Variants in INPP4B observed in about 807,000 individuals in gnomAD.
INPP4B encodes the protein inositol polyphosphate 4-phosphatase type II.
A neutral mutation model predicts 122.5 loss-of-function variants in INPP4B; 55 were observed. The observed-to-expected ratio is 0.45, with a 90% CI of 0.36 to 0.56. The LOEUF (loss-of-function observed/expected upper bound fraction) is 0.56, where lower values mean the gene tolerates loss of function less well. Among genes scored for constraint, INPP4B ranks in the 20% least tolerant of loss-of-function variants. INPP4B has a pLI of 0.00. For missense variants in INPP4B, 1,000 were observed against 1,097.7 expected, an observed-to-expected ratio of 0.91 and a Z score of 1.26; for synonymous variants, 403 against 388.7, an observed-to-expected ratio of 1.04 and a Z score of -0.43.
At chr4:142,343,315 T>C (rs528249648) in intron 7 of INPP4B, among the ~76,000 whole-genome samples, 2 of 152,062 alleles carry the variant, frequency 1.3e-5, no homozygotes, top group Non-Finnish European at 2.9e-5. Context: ...TCTCAAGGAC[T>C]GAGTAGACTA....
intron 2 of INPP4B, among the ~76,000 whole-genome samples, chr4:142,584,877 A>G (rs1580430172): frequency 6.6e-6 from 1 of 151,948 alleles, no homozygotes; most frequent in African/African-American, 2.4e-5. Context: ...AGACTTAGCT[A>G]CTCTCCCACG....
At position 142,188,387 on chromosome 4, in the gene INPP4B, T is replaced by C. The variant is rs546674232; in HGVS notation, c.1181+4700A>G. Among the ~76,000 whole-genome samples, 11 of 145,826 alleles carry C rather than the reference T, an allele frequency of 7.5e-5. No homozygotes were observed. The South Asian group carries it at 2.0e-3, about 26-fold the overall frequency. On this transcript the variant is annotated intron_variant, in intron 15 of 25. Coordinates refer to ENST00000262992, the MANE Select transcript of INPP4B (RefSeq NM_001101669.3). ...CTGTAGTCCCAGCTACTCGGGAGGC[T>C]GAGGCAAGAGAATGGTGTGGACCTG...
At chr4:142,566,485 C>G (rs945390623) in intron 2 of INPP4B, among the ~76,000 whole-genome samples, 1 of 152,124 alleles carries the variant, frequency 6.6e-6, no homozygotes, top group East Asian at 1.9e-4. Context: ...GGAATGTGAT[C>G]CTGTACTTTC....
intron 18 of INPP4B, among the ~76,000 whole-genome samples, chr4:142,129,345 A>G (rs1163268908): frequency 2.6e-5 from 4 of 152,200 alleles, no homozygotes; most frequent in African/African-American, 7.2e-5. Context: ...TGAAGGGCCT[A>G]TGCCTTACAT....
chr4:142,567,593 G>GTTTTATTTTTTCTGAAAATTA (rs1224938039), intron 2 of INPP4B, among the ~76,000 whole-genome samples: 18 of 152,250 alleles, frequency 1.2e-4, no homozygotes, highest in Non-Finnish European at 2.1e-4. Context: ...ATAAATATAT[G>GTTTTATTTTTTCTGAAAATTA]CTGAAATAAG....
At chr4:142,390,165 A>G (rs1797212894) in intron 7 of INPP4B, among the ~76,000 whole-genome samples, 1 of 152,172 alleles carries the variant, frequency 6.6e-6, no homozygotes, top group South Asian at 2.1e-4. Flanking sequence ...CATTTTATCT[A>G]TAAGGTTTTA....
intron 18 of INPP4B, among the ~76,000 whole-genome samples, chr4:142,132,669 C>A (rs1801915529): frequency 6.6e-6 from 1 of 152,166 alleles, no homozygotes; most frequent in Non-Finnish European, 1.5e-5. Context: ...CTCATCCTCT[C>A]TCACCTACTT....
intron 2 of INPP4B, among the ~76,000 whole-genome samples, chr4:142,711,743 G>C (rs527621112): frequency 6.6e-6 from 1 of 152,250 alleles, no homozygotes; most frequent in South Asian, 2.1e-4. Flanking sequence ...GGATGAAATT[G>C]ATGACCTTAT....
intron 23 of INPP4B, among the ~76,000 whole-genome samples, chr4:142,100,994 C>T (rs1222716135): frequency 1.3e-5 from 2 of 152,068 alleles, no homozygotes; most frequent in Non-Finnish European, 1.5e-5. Flanking sequence ...AAATAGTTAA[C>T]TTGTGTCAGA....
At chr4:142,483,249 T>C (rs1820801419) in intron 2 of INPP4B, among the ~76,000 whole-genome samples, 1 of 145,150 alleles carries the variant, frequency 6.9e-6, no homozygotes, top group African/African-American at 2.6e-5. Flanking sequence ...ACAATGGCGT[T>C]AGTTAGATAT....
intron 15 of INPP4B, among the ~76,000 whole-genome samples, chr4:142,182,935 T>C (rs1450468811): frequency 6.6e-6 from 1 of 152,210 alleles, no homozygotes; most frequent in Non-Finnish European, 1.5e-5. Flanking sequence ...CCAAATACTA[T>C]GATCACGGCA....
intron 2 of INPP4B, among the ~76,000 whole-genome samples, chr4:142,529,004 A>G (rs574731189): frequency 6.0e-4 from 91 of 152,250 alleles, no homozygotes; most frequent in Non-Finnish European, 1.1e-3. Context: ...CAATTTTTCA[A>G]AAGAAAAATT....
chr4:142,220,247 G>A (rs1848833383), intron 12 of INPP4B, among the ~76,000 whole-genome samples: 3 of 152,088 alleles, frequency 2.0e-5, no homozygotes, highest in Non-Finnish European at 1.5e-5. Context: ...TGAACAGAAG[G>A]ACAAGATTAG....
intron 2 of INPP4B, chr4:142,560,402 A>C (rs1730194233): frequency 6.6e-6 from 1 of 152,228 alleles, no homozygotes; most frequent in African/African-American, 2.4e-5. Context: ...AGAGGGACAG[A>C]ACTAATAGGA....
At chr4:142,805,298 C>T (rs770243084) in intron 1 of INPP4B, among the ~76,000 whole-genome samples, 2 of 152,010 alleles carry the variant, frequency 1.3e-5, no homozygotes, top group Non-Finnish European at 2.9e-5. Flanking sequence ...ACTGTTAATA[C>T]TTAACATTAT....
chr4:142,071,677 G>A (rs958484625), intron 25 of INPP4B, among the ~76,000 whole-genome samples: 3 of 152,050 alleles, frequency 2.0e-5, no homozygotes, highest in Non-Finnish European at 4.4e-5. Flanking sequence ...GTGGGCAAAG[G>A]ATATGAACAG....
intron 1 of INPP4B, among the ~76,000 whole-genome samples, chr4:142,838,865 C>T (rs1288767765): frequency 3.3e-5 from 5 of 152,170 alleles, no homozygotes; most frequent in East Asian, 1.9e-4. Flanking sequence ...GAAAACCAAA[C>T]AATTTCTCAG....
intron 23 of INPP4B, among the ~76,000 whole-genome samples, chr4:142,093,550 T>C (rs1176264587): frequency 6.6e-6 from 1 of 152,212 alleles, no homozygotes; most frequent in Non-Finnish European, 1.5e-5. Flanking sequence ...GTGAGTACTA[T>C]AGTCTGTAAC....
chr4:142,058,366 GCTC>G (rs1445245077), intron 25 of INPP4B, among the ~76,000 whole-genome samples: 4 of 152,146 alleles, frequency 2.6e-5, no homozygotes, highest in Middle Eastern at 3.4e-3. Context: ...AATAAAAACA[GCTC>G]CTCATTTTCA....
Sources: allele counts gnomAD v4.1 joint callset (sites outside exome capture counted in the v4.1 genomes callset), GRCh38; gene constraint gnomAD v4.1.1; transcripts MANE v1.5; gene names NCBI Gene and HGNC (gene_info 2026-07-23, HGNC 2026-07-21).